HARS1: variants seen among roughly 807,000 people sequenced by gnomAD.
HARS1 encodes histidine--tRNA ligase, cytoplasmic.
In HARS1, 45 loss-of-function variants were observed where a neutral mutation model predicts 63.6. The observed-to-expected ratio is 0.71, with a 90% confidence interval of 0.56 to 0.91. HARS1 has a LOEUF of 0.91. HARS1 is among the 40% of genes least tolerant of loss of function. The probability of loss-of-function intolerance (pLI) is 0.00; values close to 1 mark genes in which losing one functional copy is unlikely to be tolerated. For missense variants in HARS1, 508 were observed against 643.2 expected, an observed-to-expected ratio of 0.79 and a Z score of 2.27; for synonymous variants, 205 against 247.1, an observed-to-expected ratio of 0.83 and a Z score of 1.60.
chr5:140,681,327 G>C (rs1758718890), intron 3 of HARS1, among the ~76,000 whole-genome samples: 1 of 152,152 alleles, frequency 6.6e-6, no homozygotes, highest in Non-Finnish European at 1.5e-5. Context: ...ATATGTTGTT[G>C]TAAGAAGAGA....
In HARS1 at chr5:140,679,015, T is replaced by G. The variant is rs770055157; in HGVS notation, c.509A>C (p.Glu170Ala). 1.2e-6 allele frequency: 2 copies of G among 1,613,902 alleles called. No individual in the cohort carries two copies. The highest frequency in any genetic ancestry group is 1.7e-5 in the Admixed American group (1 of 60,010). Residue 170 changes from glutamate to alanine, a missense_variant, in exon 5 of 13, where the codon GAA becomes GCA. Transcript: ENST00000504156. The surrounding 1 kb of genome is among the most constrained non-coding windows in gnomAD (Gnocchi z 4.3). ...CCCAACACTCACACACTGGTAGAAT[T>G]CCCGGTATCGGCCACGGGTCATGGC... ...NPAMTRGRYR[E>A]FYQCDFDIAG...
Position 140,673,945 on chromosome 5 carries a change from G to A in HARS1, c.*312C>T. 1 of 562,282 alleles carries A rather than the reference G, an allele frequency of 1.8e-6. No homozygotes were observed. Among genetic ancestry groups the A allele is most frequent in the Non-Finnish European group, 3.2e-6 (1 of 314,670 alleles). The allele number at this position is 562,282 out of a possible 1,614,324, so 34.8% of individuals were successfully genotyped here. A position where few individuals can be genotyped will look rare whatever the true frequency, so the allele number is the denominator to read the frequency against. On this transcript the variant is annotated 3_prime_UTR_variant, in exon 13 of 13. Coordinates refer to ENST00000504156, the MANE Select transcript of HARS1 (RefSeq NM_002109.6). ...TTTTATTGGACCTTTGGCAATTGGT[G>A]GTGGGGAGGCATCTGCTCCAACTGG... is the stretch of plus-strand genomic sequence containing the variant.
chr5:140,674,961 C>T (rs1012340089), intron 11 of HARS1, 56 bp downstream of exon 11: 6 of 1,475,042 alleles, frequency 4.1e-6, no homozygotes, highest in Admixed American at 3.4e-5. Flanking sequence ...AGCTTTTATT[C>T]AGTTTGTGTC....
In HARS1 at chr5:140,690,288, C is replaced by G. The variant is rs1023575437; in HGVS notation, c.180+567G>C. Among the ~76,000 whole-genome samples, 6 of 152,226 alleles carry G rather than the reference C, an allele frequency of 3.9e-5. No homozygotes were observed. In the East Asian group the frequency reaches 1.2e-3, roughly 29 times the overall value. On this transcript the variant is annotated intron_variant, in intron 2 of 12. Coordinates refer to ENST00000504156, the MANE Select transcript of HARS1 (RefSeq NM_002109.6). ...CCAATATGGTGAAACCCCGTCTCTA[C>G]TAAAAATACAAAAATTAGCTGGGCA...
At position 140,679,502 on chromosome 5, in the gene HARS1, AT is replaced by A; in HGVS notation, c.396+285del. On this transcript the variant is annotated intron_variant, in intron 4 of 12. Transcript: ENST00000504156. This position sits in a 1 kb window ranked among gnomAD's most constrained non-coding sequence, Gnocchi z 4.3. ...ATGTGTTGCTAGTCCATTAAGAAGA[AT>A]TTTGTTCACTGGACAGGGCAGGGGA... 1 of 421,928 alleles carries A rather than the reference AT, an allele frequency of 2.4e-6. No homozygotes were observed. The highest frequency in any genetic ancestry group is 4.2e-6 in the Non-Finnish European group (1 of 238,878). The allele number at this position is 421,928 out of a possible 1,614,324, so 26.1% of individuals were successfully genotyped here. A position where few individuals can be genotyped will look rare whatever the true frequency, so the allele number is the denominator to read the frequency against.
At chr5:140,689,573 A>G (rs1759246030) in intron 2 of HARS1, among the ~76,000 whole-genome samples, 1 of 152,188 alleles carries the variant, frequency 6.6e-6, no homozygotes. Context: ...TGCTGGGATT[A>G]CAGGTGTAAG....
chr5:140,682,752 C>T (rs1364816784), intron 3 of HARS1: 1 of 178,632 alleles, frequency 5.6e-6, no homozygotes, highest in Non-Finnish European at 1.2e-5. Context: ...CTAACAACTT[C>T]AGAGTCCATC....
intron 3 of HARS1, among the ~76,000 whole-genome samples, chr5:140,681,635 T>G (rs1758738104): frequency 6.6e-6 from 1 of 151,684 alleles, no homozygotes; most frequent in Non-Finnish European, 1.5e-5. Context: ...GCCACTGCAC[T>G]CCAGCCCAGG....
In HARS1 at chr5:140,674,285, C is replaced by T. The variant is rs748318331; in HGVS notation, c.1502G>A (p.Arg501Lys). 1 of 1,612,310 alleles carries T rather than the reference C, an allele frequency of 6.2e-7. No homozygotes were observed. Among genetic ancestry groups the T allele is most frequent in the Non-Finnish European group, 8.5e-7 (1 of 1,178,296 alleles). ...GCAGATGCAGAGGGGCTGGCCTGTT[C>T]TCCTTTTGATTTCCTCCACAAGGTC... ...REDLVEEIKRRTGQPLCIC is the reference protein window; with the variant it reads ...REDLVEEIKRKTGQPLCIC Residue 501 changes from arginine to lysine, a missense_variant, in exon 13 of 13, where the codon AGA (arginine) becomes AAA (lysine). Around this residue, in one of 2 missense-constraint regions of HARS1, gnomAD observed 403 missense variants for 548.7 expected, o/e 0.73. Coordinates refer to ENST00000504156, the MANE Select transcript of HARS1 (RefSeq NM_002109.6).
rs372237777 is a variant in HARS1 at position 140,674,738 on chromosome 5, C to T, written c.1399G>A (p.Gly467Ser). 14 of 1,614,030 alleles carry T rather than the reference C, an allele frequency of 8.7e-6. No homozygotes were observed. The highest frequency in any genetic ancestry group is 3.3e-5 in the South Asian group (3 of 91,090). Residue 467 changes from glycine (G) to serine (S), a missense_variant, in exon 12 of 13, where the codon GGC becomes AGC. By Grantham distance (56) the Gly-to-Ser change is moderately conservative. Around this residue, in one of 2 missense-constraint regions of HARS1, gnomAD observed 403 missense variants for 548.7 expected, o/e 0.73. Transcript: ENST00000504156. ...EAGIPLVAII[G>S]EQELKDGVIK... ...ACCCCATCCTTGAGTTCCTGCTCGC[C>T]GATGATAGCCACCAGTGGGATGCCT...
Position 140,679,668 on chromosome 5 carries a change from A to G in HARS1, c.396+120T>C, listed in dbSNP as rs1758601211. On this transcript the variant is annotated intron_variant, in intron 4 of 12. Transcript: ENST00000504156. The surrounding 1 kb of genome is among the most constrained non-coding windows in gnomAD (Gnocchi z 4.3). ...AAAGTTCCACTCCTGGTTTAGAGAA[A>G]TAATTCCCCTAATCGCCAAAGGCCT... 1.8e-6 allele frequency: 1 copy of G among 563,798 alleles called. No homozygotes were observed. Among genetic ancestry groups the G allele is most frequent in the East Asian group, 3.1e-5 (1 of 32,612 alleles). The allele number at this position is 563,798 out of a possible 1,614,324, so 34.9% of individuals were successfully genotyped here.
At chr5:140,690,432 C>G (rs2563306) in intron 2 of HARS1, among the ~76,000 whole-genome samples, 1 of 151,634 alleles carries the variant, frequency 6.6e-6, no homozygotes, top group Admixed American at 6.6e-5. Context: ...GCCTGTGCAA[C>G]AGAGGATACT....
chr5:140,678,864 A>G, intron 5 of HARS1, 138 bp downstream of exon 5: 1 of 922,888 alleles, frequency 1.1e-6, no homozygotes, highest in Non-Finnish European at 1.6e-6. Context: ...AAAACAAACA[A>G]AAAAACCACC....
chr5:140,689,009 C>A lies in HARS1; in HGVS notation c.180+1846G>T, dbSNP rs569710338. Among the ~76,000 whole-genome samples, 3 of 152,350 alleles carry A rather than the reference C, an allele frequency of 2.0e-5. No individual in the cohort carries two copies. In the East Asian group the frequency reaches 5.8e-4, roughly 29 times the overall value. ...AAAACTGATCACTAGTGAGGACAGA[C>A]TGATCCATCATAAATTCCACAGTAA... On this transcript the variant is annotated intron_variant, in intron 2 of 12. Coordinates refer to ENST00000504156, the MANE Select transcript of HARS1 (RefSeq NM_002109.6).
intron 2 of HARS1, among the ~76,000 whole-genome samples, chr5:140,686,374 G>A (rs752085871): frequency 1.3e-5 from 2 of 152,148 alleles, no homozygotes; most frequent in Admixed American, 6.6e-5. Flanking sequence ...CAAGGAGCTG[G>A]GATTACAGAC....
rs1758613415 is a variant in HARS1, at chr5:140,679,838, C to G, written c.346G>C (p.Asp116His). Residue 116 changes from aspartate to histidine, a missense_variant, in exon 4 of 13, where the codon GAC (aspartate) becomes CAC (histidine). Coordinates refer to ENST00000504156, the MANE Select transcript of HARS1 (RefSeq NM_002109.6). This position sits in a 1 kb window ranked among gnomAD's most constrained non-coding sequence, Gnocchi z 4.3. ...AGCTCCCCGCCCTGGTCCTTCAGGT[C>G]ATAGATAAGCTTGGAGTCTTCCCCA... ...KYGEDSKLIY[D>H]LKDQGGELLS... The G allele has an allele frequency of 2.5e-6, 4 of 1,610,376 alleles. No individual in the cohort carries two copies. The East Asian group carries it at 8.9e-5, about 36-fold the overall frequency.
In HARS1 at chr5:140,676,560, T is replaced by C. The variant is rs1758371242; in HGVS notation, c.1194+94A>G. On this transcript the variant is annotated intron_variant, in intron 10 of 12. Coordinates refer to ENST00000504156, the MANE Select transcript of HARS1 (RefSeq NM_002109.6). The surrounding 1 kb of genome is among the most constrained non-coding windows in gnomAD (Gnocchi z 4.1). ...TTCTCCATTTCTGTGAGATGCTCCC[T>C]GCCCAAAGCAGCACCACTTGCTCCC... 2 of 1,321,282 alleles carry C rather than the reference T, an allele frequency of 1.5e-6. No individual in the cohort carries two copies. The highest frequency in any genetic ancestry group is 2.1e-6 in the Non-Finnish European group (2 of 944,412). 81.8% of individuals were successfully genotyped at this position (1,321,282 alleles called of 1,614,324 possible). A position where few individuals can be genotyped will look rare whatever the true frequency, so the allele number is the denominator to read the frequency against.
chr5:140,676,880 C>A lies in HARS1; in HGVS notation c.968G>T (p.Ser323Ile). The change falls in exon 10 of 13, where the codon AGC (serine) becomes ATC (isoleucine). Residue 323 changes from serine (S) to isoleucine (I), a missense_variant. This residue lies in a region of HARS1 where 403 missense variants were observed against 548.7 expected (regional missense o/e 0.73). Coordinates refer to ENST00000504156, the MANE Select transcript of HARS1 (RefSeq NM_002109.6). This position sits in a 1 kb window ranked among gnomAD's most constrained non-coding sequence, Gnocchi z 4.1. Reference protein sequence around the residue: ...GIDDKISFDLSLARGLDYYTG... With the variant: ...GIDDKISFDLILARGLDYYTG... ...GTAGTAATCCAGCCCTCGAGCAAGG[C>A]TCAGGTCAAAGGAGATCTGTGGAGA... The A allele has an allele frequency of 6.2e-7, 1 of 1,613,792 alleles. No individual in the cohort carries two copies. The highest frequency in any genetic ancestry group is 1.1e-5 in the South Asian group (1 of 91,072).
At position 140,677,050 on chromosome 5, in the gene HARS1, T is replaced by C; in HGVS notation, c.890A>G (p.Glu297Gly). The C allele has an allele frequency of 6.2e-7, 1 of 1,614,162 alleles. No individual in the cohort carries two copies. Among genetic ancestry groups the C allele is most frequent in the Non-Finnish European group, 8.5e-7 (1 of 1,180,002 alleles). ...PKLSQNKQAL[E>G]GLGDLKLLFE... ...GAGCAACTTCAGGTCTCCCAGGCCC[T>C]CCAAGGCCTGCTTGTTTTGGGATAG... Residue 297 changes from glutamate (E) to glycine (G), a missense_variant, in exon 9 of 13, where the codon GAG becomes GGG. By Grantham distance (98) the Glu-to-Gly change is moderately conservative (BLOSUM62 -2). Transcript: ENST00000504156.
Sources: allele counts gnomAD v4.1 joint callset (sites outside exome capture counted in the v4.1 genomes callset), GRCh38; gene constraint gnomAD v4.1.1; regional missense constraint gnomAD v4.1.1; non-coding constraint Gnocchi (gnomAD v3.1); transcripts MANE v1.5; gene names NCBI Gene and HGNC (gene_info 2026-07-23, HGNC 2026-07-21).